The following MSR1 variants were observed in gnomAD, a reference collection of about 807,000 sequenced individuals.
The protein encoded by MSR1 is macrophage scavenger receptor types I and II.
MSR1 carries 53 observed loss-of-function variants against 47.2 expected under a neutral mutation model. The ratio of observed to expected loss-of-function variants is 1.12; its 90% CI spans 0.90 to 1.41. The LOEUF is 1.41. Among genes scored for constraint, MSR1 ranks in the 40% most tolerant of loss-of-function variants. MSR1 has a pLI of 0.00. For missense variants in MSR1, 786 were observed against 546.9 expected (o/e 1.44, Z -4.36); for synonymous variants, 239 against 185.6 (o/e 1.29, Z -2.34).
At chr8:16,167,757 T>A (rs778610092) in intron 4 of MSR1, among the ~76,000 whole-genome samples, 57 of 152,214 alleles carry the variant, frequency 3.7e-4, no homozygotes, top group Non-Finnish European at 7.3e-4. Flanking sequence ...TCTATCCTGA[T>A]AACTAACATT....
At chr8:16,158,170 G>T (rs146233880) in intron 5 of MSR1, among the ~76,000 whole-genome samples, 1 of 151,854 alleles carries the variant, frequency 6.6e-6, no homozygotes, top group Non-Finnish European at 1.5e-5. Flanking sequence ...AGAAGCCATA[G>T]AATTTACATT....
intron 1 of MSR1, among the ~76,000 whole-genome samples, chr8:16,189,988 G>C (rs2928388): frequency 0.18 from 25,970 of 142,652 alleles, 3,654 homozygotes; most frequent in African/African-American, 0.39. Flanking sequence ...GATCTCAGCT[G>C]ACTGAAACCT....
At chr8:16,162,095 A>T (rs375333844) in intron 5 of MSR1, among the ~76,000 whole-genome samples, 3 of 152,168 alleles carry the variant, frequency 2.0e-5, no homozygotes, top group African/African-American at 7.2e-5. Flanking sequence ...TATAAGAAGT[A>T]CAGCAAATGT....
intron 4 of MSR1, among the ~76,000 whole-genome samples, chr8:16,165,384 C>T (rs1026172974): frequency 2.6e-5 from 4 of 152,042 alleles, no homozygotes; most frequent in Non-Finnish European, 5.9e-5. Flanking sequence ...GTTAAAGTAT[C>T]CAGTCATTAA....
At chr8:16,168,401 A>T (rs939915885) in intron 4 of MSR1, 57 bp downstream of exon 4, 4 of 1,591,006 alleles carry the variant, frequency 2.5e-6, no homozygotes, top group Non-Finnish European at 2.6e-6. Flanking sequence ...GCCTAAGGAG[A>T]CGAGACTTGG....
At position 16,175,218 on chromosome 8, in the gene MSR1, T is replaced by C. The variant is rs369064028; in HGVS notation, c.186A>G (p.Ala62=). ...ALIALYLLVF[A]VLIPLIGIVA... is the part of the protein sequence containing the mutation. ...CTATTCCAATGAGAGGGATGAGAAC[T>C]GCAAACACGAGGAGGTAAAGGGCAA... The change falls in exon 3 of 10, where the codon GCA becomes GCG. Residue 62 remains alanine (A), a synonymous_variant. Coordinates refer to ENST00000262101, the MANE Select transcript of MSR1 (RefSeq NM_138715.3). 35 of 1,613,942 alleles carry C rather than the reference T, an allele frequency of 2.2e-5. No individual in the cohort carries two copies. In the African/African-American group the frequency reaches 4.0e-4, roughly 18 times the overall value.
At chr8:16,115,171 C>T (rs1799850171) in intron 9 of MSR1, among the ~76,000 whole-genome samples, 1 of 151,966 alleles carries the variant, frequency 6.6e-6, no homozygotes, top group Non-Finnish European at 1.5e-5. Context: ...AAGAGCGAAA[C>T]TCCATCTCGA....
intron 5 of MSR1, among the ~76,000 whole-genome samples, chr8:16,161,615 T>C (rs1186269456): frequency 3.9e-5 from 6 of 151,998 alleles, no homozygotes; most frequent in African/African-American, 1.4e-4. Context: ...CATTCATCTA[T>C]TTCCTTTTCA....
intron 8 of MSR1, chr8:16,139,720 G>T: frequency 1.4e-6 from 1 of 710,078 alleles, no homozygotes; most frequent in Non-Finnish European, 1.7e-6. Context: ...TGGATAAATT[G>T]CCCAAGCTCG....
chr8:16,154,574 C>T (rs1800946952), intron 6 of MSR1, among the ~76,000 whole-genome samples: 1 of 151,926 alleles, frequency 6.6e-6, no homozygotes, highest in Non-Finnish European at 1.5e-5. Flanking sequence ...ATTCCAAATA[C>T]TATATAAGAA....
At chr8:16,166,935 GTA>G (rs1491287897) in intron 4 of MSR1, among the ~76,000 whole-genome samples, 2 of 71,994 alleles carry the variant, frequency 2.8e-5, no homozygotes, top group Admixed American at 1.7e-4. Flanking sequence ...GTACACAGGA[GTA>G]CACACACACA....
intron 9 of MSR1, among the ~76,000 whole-genome samples, chr8:16,119,879 T>C (rs937142520): frequency 4.0e-5 from 6 of 149,736 alleles, no homozygotes; most frequent in Admixed American, 3.3e-4. Context: ...GCTTTTTTTT[T>C]TTTTTTTTTT....
At chr8:16,127,488 C>T (rs1800155965) in intron 8 of MSR1, among the ~76,000 whole-genome samples, 1 of 152,154 alleles carries the variant, frequency 6.6e-6, no homozygotes, top group Non-Finnish European at 1.5e-5. Context: ...GTCTTATCCA[C>T]CATTTGGTAA....
At chr8:16,180,100 CTGT>C (rs1801783581) in intron 1 of MSR1, among the ~76,000 whole-genome samples, 1 of 94,194 alleles carries the variant, frequency 1.1e-5, no homozygotes, top group African/African-American at 5.2e-5. Flanking sequence ...CTCTTTCTCT[CTGT>C]CTGTCTCTCT....
intron 8 of MSR1, among the ~76,000 whole-genome samples, chr8:16,142,863 G>A (rs150869591): frequency 6.6e-6 from 1 of 152,160 alleles, no homozygotes; most frequent in East Asian, 1.9e-4. Flanking sequence ...CTGATTCTGA[G>A]AAGTTAAGTG....
intron 1 of MSR1, among the ~76,000 whole-genome samples, chr8:16,181,286 G>A (rs9650394): frequency 6.6e-6 from 1 of 152,074 alleles, no homozygotes; most frequent in Non-Finnish European, 1.5e-5. Flanking sequence ...CTTCCACAAT[G>A]GTTGAACTAA....
chr8:16,115,667 C>T lies in MSR1; in HGVS notation c.1222+4751G>A, dbSNP rs991825194. On this transcript the variant is annotated intron_variant, in intron 9 of 9. Transcript: ENST00000262101. ...TTTAGTTGTTTGGTACTGAACTCTACGCAGGGAGTGGAAACAACAGCTAAG... is the reference window on the plus strand; with the variant it reads ...TTTAGTTGTTTGGTACTGAACTCTATGCAGGGAGTGGAAACAACAGCTAAG... Among the ~76,000 whole-genome samples, 15 of 151,948 alleles carry T rather than the reference C, an allele frequency of 9.9e-5. No homozygotes were observed. In the South Asian group the frequency reaches 1.0e-3, roughly 11 times the overall value.
intron 3 of MSR1, among the ~76,000 whole-genome samples, chr8:16,169,524 T>A (rs1427008980): frequency 6.6e-6 from 1 of 152,134 alleles, no homozygotes; most frequent in Non-Finnish European, 1.5e-5. Context: ...TTATAAAATA[T>A]ATATTCACAG....
intron 8 of MSR1, among the ~76,000 whole-genome samples, chr8:16,143,270 G>T (rs1303964616): frequency 1.3e-5 from 2 of 152,118 alleles, no homozygotes; most frequent in Admixed American, 1.3e-4. Context: ...TTAGTGGATA[G>T]AAATTGACTT....
Sources: gnomAD v4.1 joint callset for allele counts (sites outside exome capture counted in the v4.1 genomes callset) on GRCh38, gnomAD v4.1.1 for gene constraint, MANE v1.5 for transcripts, NCBI Gene and HGNC (gene_info 2026-07-23, HGNC 2026-07-21) for gene names.